CNBD2: variants seen among roughly 807,000 people sequenced by gnomAD.
CNBD2 encodes the protein cyclic nucleotide-binding domain-containing protein 2.
A neutral mutation model predicts 63.7 loss-of-function variants in CNBD2; 64 were observed. The ratio of observed to expected loss-of-function variants is 1.00; its 90% CI spans 0.82 to 1.24. CNBD2 has a LOEUF of 1.24. Among genes scored for constraint, CNBD2 ranks in the 50% most tolerant of loss-of-function variants. The pLI is 0.00. For synonymous variants in CNBD2, 229 were observed against 255.4 expected (o/e 0.90, Z 0.99); for missense variants, 691 against 713.5 (o/e 0.97, Z 0.36).
At chr20:35,991,448 A>G (rs1344800460) in intron 7 of CNBD2, among the ~76,000 whole-genome samples, 1 of 152,198 alleles carries the variant, frequency 6.6e-6, no homozygotes, top group Non-Finnish European at 1.5e-5. Context: ...TAATATAAGT[A>G]GCAAAAGATT....
At chr20:35,987,824 G>A (rs912102802) in intron 7 of CNBD2, among the ~76,000 whole-genome samples, 1 of 152,184 alleles carries the variant, frequency 6.6e-6, no homozygotes, top group African/African-American at 2.4e-5. Flanking sequence ...GCATTTGGCT[G>A]TTGAATCTTA....
chr20:35,968,084 C>T (rs2056361856), upstream of CNBD2, among the ~76,000 whole-genome samples: 1 of 152,178 alleles, frequency 6.6e-6, no homozygotes, highest in South Asian at 2.1e-4. Context: ...TTATGCTCAT[C>T]TCTAATCCCT....
Position 35,978,672 on chromosome 20 carries a change from G to C in CNBD2, c.244-1787G>C, listed in dbSNP as rs145598427. 1.2e-3 allele frequency among the ~76,000 whole-genome samples: 175 copies of C among 152,102 alleles called. 1 individual carries two copies. Among genetic ancestry groups the C allele is most frequent in the African/African-American group, 4.0e-3 (168 of 41,502 alleles). The stretch of plus-strand genomic sequence containing the variant: ...TGCCCAGCTAATTCTTAAATTTTTT[G>C]TAGAGATGAGGGTCTTGCCATATTG... On this transcript the variant is annotated intron_variant, in intron 3 of 11. Transcript: ENST00000373973.
At chr20:35,973,642 C>T (rs1339805023) in intron 2 of CNBD2, 1 of 152,260 alleles carries the variant, frequency 6.6e-6, no homozygotes, top group Non-Finnish European at 1.5e-5. Context: ...ATCTCTTGAC[C>T]TCGTGATCCA....
intron 8 of CNBD2, among the ~76,000 whole-genome samples, chr20:36,003,685 A>T (rs1279122973): frequency 6.6e-6 from 1 of 152,138 alleles, no homozygotes. Context: ...TTGCCCCAAA[A>T]CTTAGCAACT....
rs2056685727 is a variant in CNBD2 at position 35,987,537 on chromosome 20, A to G, written c.855+4A>G. 1.2e-6 allele frequency: 2 copies of G among 1,614,004 alleles called. No individual in the cohort carries two copies. Among genetic ancestry groups the G allele is most frequent in the African/African-American group, 1.3e-5 (1 of 74,930 alleles). The stretch of plus-strand genomic sequence containing the variant: ...CTTCATCATGTTTATCAGCAAGGTG[A>G]AAAGTCTGGGGGTTGGGATGAGGGT... On this transcript the variant is annotated splice_donor_region_variant and intron_variant, in intron 7 of 11. Coordinates refer to ENST00000373973, the MANE Select transcript of CNBD2 (RefSeq NM_001365709.1).
chr20:35,997,105 A>T (rs915700661), intron 8 of CNBD2, among the ~76,000 whole-genome samples: 7 of 151,722 alleles, frequency 4.6e-5, no homozygotes, highest in Non-Finnish European at 7.4e-5. Flanking sequence ...TGGCATTTTT[A>T]TTTATTTTTT....
intron 8 of CNBD2, among the ~76,000 whole-genome samples, chr20:35,995,504 A>C (rs2056813420): frequency 6.6e-6 from 1 of 152,148 alleles, no homozygotes; most frequent in Admixed American, 6.5e-5. Context: ...TTTTCATATA[A>C]ATAGCATCAT....
intron 11 of CNBD2, among the ~76,000 whole-genome samples, chr20:36,030,024 A>G (rs1304472542): frequency 6.6e-6 from 1 of 152,238 alleles, no homozygotes; most frequent in Non-Finnish European, 1.5e-5. Context: ...CCATTTATCA[A>G]TATAAAATGA....
chr20:35,999,748 G>A lies in CNBD2; in HGVS notation c.970+4596G>A, dbSNP rs550110666. Among the ~76,000 whole-genome samples the A allele has an allele frequency of 3.3e-5, 5 of 151,756 alleles. No individual in the cohort carries two copies. In the South Asian group the frequency reaches 1.0e-3, roughly 32 times the overall value. On this transcript the variant is annotated intron_variant, in intron 8 of 11. Coordinates refer to ENST00000373973, the MANE Select transcript of CNBD2 (RefSeq NM_001365709.1). ...GCTGGAGTGCAATGGCACGATCTCG[G>A]CTCACTGCAACCTCCACCTCCTGGG...
At chr20:35,964,113 T>C (rs2056327350), upstream of CNBD2, among the ~76,000 whole-genome samples, 1 of 152,214 alleles carries the variant, frequency 6.6e-6, no homozygotes, top group Non-Finnish European at 1.5e-5. Flanking sequence ...CCACACCTCC[T>C]GAGCATCTCA....
At chr20:35,998,019 A>G (rs1006396231) in intron 8 of CNBD2, among the ~76,000 whole-genome samples, 3 of 147,204 alleles carry the variant, frequency 2.0e-5, no homozygotes, top group African/African-American at 7.5e-5. Flanking sequence ...TCTTTCTGTT[A>G]CTGATTTCTT....
At chr20:35,958,148 A>G (rs1298058542), downstream of CNBD2, among the ~76,000 whole-genome samples, 1 of 152,140 alleles carries the variant, frequency 6.6e-6, no homozygotes, top group Non-Finnish European at 1.5e-5. Flanking sequence ...AAAGCTTTTC[A>G]TTGGCCAAGC....
At chr20:35,963,544 C>T (rs1234665942) in intron 2 of CNBD2, among the ~76,000 whole-genome samples, 2 of 151,468 alleles carry the variant, frequency 1.3e-5, no homozygotes, top group Non-Finnish European at 2.9e-5. Flanking sequence ...AGGAGGCTGA[C>T]GCAGGAGAAT....
chr20:35,955,244 T>C (rs911298342), exon 1 of CNBD2: 3 of 153,976 alleles, frequency 1.9e-5, no homozygotes, highest in African/African-American at 7.2e-5. Context: ...TGCTATATTG[T>C]AAAATACGGG....
upstream of CNBD2, among the ~76,000 whole-genome samples, chr20:35,967,644 G>C (rs915798075): frequency 5.3e-5 from 8 of 151,780 alleles, no homozygotes; most frequent in African/African-American, 1.7e-4. Context: ...CTTGAGGTCA[G>C]GAGCTTGAGA....
intron 8 of CNBD2, among the ~76,000 whole-genome samples, chr20:35,999,617 T>C (rs1209295800): frequency 2.0e-5 from 3 of 152,208 alleles, no homozygotes; most frequent in Non-Finnish European, 4.4e-5. Context: ...TATATTATAC[T>C]TTAATGTATA....
intron 8 of CNBD2, among the ~76,000 whole-genome samples, chr20:36,007,570 C>G (rs1350786792): frequency 3.3e-5 from 5 of 152,160 alleles, no homozygotes; most frequent in Non-Finnish European, 1.5e-5. Flanking sequence ...GTTGCCCAGA[C>G]TGCACACAGT....
chr20:35,995,170 G>A lies in CNBD2; in HGVS notation c.970+18G>A. On this transcript the variant is annotated intron_variant, in intron 8 of 11. Coordinates refer to ENST00000373973, the MANE Select transcript of CNBD2 (RefSeq NM_001365709.1). ...CCTGAGTGGTAAGCTGCCTTGGCCTGTCTGACAGCAGGGGGCGCCTGGGCC... is the reference window on the plus strand; with the variant it reads ...CCTGAGTGGTAAGCTGCCTTGGCCTATCTGACAGCAGGGGGCGCCTGGGCC... 3 of 1,551,450 alleles carry A rather than the reference G, an allele frequency of 1.9e-6. No individual in the cohort carries two copies. The highest frequency in any genetic ancestry group is 2.6e-6 in the Non-Finnish European group (3 of 1,141,118).
Sources: allele counts gnomAD v4.1 joint callset (sites outside exome capture counted in the v4.1 genomes callset), GRCh38; gene constraint gnomAD v4.1.1; transcripts MANE v1.5; gene names NCBI Gene and HGNC (gene_info 2026-07-23, HGNC 2026-07-21).